The following SRGAP2 variants were observed in gnomAD, a reference collection of about 807,000 sequenced individuals.
The protein encoded by SRGAP2 is SLIT-ROBO Rho GTPase activating protein 2, also known as SLIT-ROBO Rho GTPase-activating protein 2.
Under a neutral mutation model 57.2 loss-of-function variants are expected in SRGAP2, and 15 were observed. The observed-to-expected ratio is 0.26, with a 90% CI of 0.18 to 0.40. SRGAP2 has a LOEUF of 0.40. Ranked by LOEUF, SRGAP2 falls within the 10% of genes least tolerant of loss-of-function variation. SRGAP2 has a pLI of 1.00. For missense variants in SRGAP2, 520 were observed against 669.6 expected (o/e 0.78, Z 2.47); for synonymous variants, 249 against 248.0 (o/e 1.00, Z -0.04).
intron 13 of SRGAP2, among the ~76,000 whole-genome samples, chr1:206,427,453 G>A (rs891298697): frequency 1.2e-4 from 18 of 152,164 alleles, no homozygotes; most frequent in South Asian, 8.3e-4. Context: ...GGGTCGCTGC[G>A]ACCGTCCTGA....
At chr1:206,438,272 G>T (rs1382272514) in intron 16 of SRGAP2, among the ~76,000 whole-genome samples, 174 bp downstream of exon 16, 1 of 151,426 alleles carries the variant, frequency 6.6e-6, no homozygotes, top group Non-Finnish European at 1.5e-5. Context: ...AGGGGAGGAG[G>T]AAAGACTTTT....
At chr1:206,455,314 A>G (rs1663737983) in intron 21 of SRGAP2, 5 of 436,602 alleles carry the variant, frequency 1.1e-5, no homozygotes, top group African/African-American at 2.0e-5. Flanking sequence ...GCAGTCTTAC[A>G]GCTAAAACTT....
At chr1:206,322,453 G>A (rs61816792) in intron 3 of SRGAP2, among the ~76,000 whole-genome samples, 1 of 151,872 alleles carries the variant, frequency 6.6e-6, no homozygotes, top group East Asian at 1.9e-4. Flanking sequence ...GGTGGCAGGC[G>A]CCTGTGGTCC....
At chr1:206,423,866 C>G (rs1660543214) in intron 13 of SRGAP2, among the ~76,000 whole-genome samples, 1 of 151,712 alleles carries the variant, frequency 6.6e-6, no homozygotes, top group African/African-American at 2.4e-5. Flanking sequence ...CCTCCACCTC[C>G]TAGGCTCAAG....
At chr1:206,431,688 A>G (rs1183743243) in intron 14 of SRGAP2, among the ~76,000 whole-genome samples, 2 of 152,254 alleles carry the variant, frequency 1.3e-5, no homozygotes, top group Non-Finnish European at 2.9e-5. Flanking sequence ...CAAATGACCA[A>G]TTGATCAGCC....
Position 206,254,597 on chromosome 1 carries a change from A to G in SRGAP2, c.67+48560A>G, listed in dbSNP as rs1479120269. 2.0e-5 allele frequency among the ~76,000 whole-genome samples: 3 copies of G among 149,958 alleles called. No individual in the cohort carries two copies. In the East Asian group the frequency reaches 5.9e-4, roughly 30 times the overall value. ...TGGCCTTTTGACGTGATCCTGTTGG[A>G]CTTGGATGGCTTCCTTGCTTTCTGG... On this transcript the variant is annotated intron_variant, in intron 2 of 22. Coordinates refer to ENST00000573034, the MANE Select transcript of SRGAP2 (RefSeq NM_015326.5).
chr1:206,451,897 C>T (rs1553376096), intron 19 of SRGAP2, among the ~76,000 whole-genome samples: 1 of 152,212 alleles, frequency 6.6e-6, no homozygotes. Flanking sequence ...TCTCCAACCC[C>T]TCCTGTGCAG....
intron 4 of SRGAP2, among the ~76,000 whole-genome samples, chr1:206,381,206 C>T (rs1400396883): frequency 2.0e-5 from 3 of 152,214 alleles, no homozygotes; most frequent in African/African-American, 7.2e-5. Context: ...ACACTTTTCC[C>T]TCCCCTTCTT....
At chr1:206,435,685 C>G (rs1467254397) in intron 14 of SRGAP2, among the ~76,000 whole-genome samples, 1 of 152,194 alleles carries the variant, frequency 6.6e-6, no homozygotes, top group Admixed American at 6.5e-5. Flanking sequence ...TGAGTCATGG[C>G]CCTGGTTCTT....
intron 13 of SRGAP2, among the ~76,000 whole-genome samples, chr1:206,422,367 C>A (rs1403014519): frequency 6.6e-6 from 1 of 152,190 alleles, no homozygotes; most frequent in African/African-American, 2.4e-5. Context: ...CCATCAGATG[C>A]AATTACACAT....
chr1:206,291,855 A>G (rs1325957075), intron 2 of SRGAP2, among the ~76,000 whole-genome samples: 1 of 148,988 alleles, frequency 6.7e-6, no homozygotes, highest in East Asian at 1.9e-4. Context: ...ATAAATGGTT[A>G]TCTATTCTGA....
At chr1:206,210,404 T>C (rs1666241755) in intron 2 of SRGAP2, among the ~76,000 whole-genome samples, 1 of 81,592 alleles carries the variant, frequency 1.2e-5, no homozygotes, top group Non-Finnish European at 2.2e-5. Context: ...GGGTCTTGTC[T>C]TTTTTTTTTT....
chr1:206,278,924 T>G (rs1318521165), intron 2 of SRGAP2, among the ~76,000 whole-genome samples: 1 of 150,118 alleles, frequency 6.7e-6, no homozygotes, highest in Non-Finnish European at 1.5e-5. Context: ...TACTAGGAGA[T>G]GAGGTCAGAG....
chr1:206,457,613 G>A (rs1038110810), intron 21 of SRGAP2, among the ~76,000 whole-genome samples: 3 of 152,172 alleles, frequency 2.0e-5, no homozygotes, highest in African/African-American at 7.2e-5. Flanking sequence ...ACAGACTCAC[G>A]GAGTGACTGA....
intron 5 of SRGAP2, among the ~76,000 whole-genome samples, chr1:206,392,210 C>G (rs1206295872): frequency 1.4e-5 from 2 of 144,674 alleles, no homozygotes; most frequent in Admixed American, 7.0e-5. Context: ...GAAGCTTTTC[C>G]TCTTCCCTAT....
At chr1:206,455,103 C>T in intron 21 of SRGAP2, 79 bp downstream of exon 21, 1 of 775,470 alleles carries the variant, frequency 1.3e-6, no homozygotes, top group African/African-American at 1.7e-5. Context: ...ACCCCCATCT[C>T]CATTCCTGTG....
intron 3 of SRGAP2, among the ~76,000 whole-genome samples, chr1:206,324,806 C>T (rs1450565034): frequency 6.6e-6 from 1 of 152,076 alleles, no homozygotes; most frequent in East Asian, 1.9e-4. Context: ...GTAGTTGGAC[C>T]ACTTATCTTA....
chr1:206,450,895 T>C (rs896753964), intron 19 of SRGAP2, among the ~76,000 whole-genome samples: 6 of 151,554 alleles, frequency 4.0e-5, no homozygotes, highest in Non-Finnish European at 8.8e-5. Context: ...GAGGATCACT[T>C]GAGTTCAAGA....
At chr1:206,355,162 T>TA (rs1676341341) in intron 4 of SRGAP2, among the ~76,000 whole-genome samples, 1 of 152,216 alleles carries the variant, frequency 6.6e-6, no homozygotes, top group South Asian at 2.1e-4. Context: ...TTATGTCCCT[T>TA]AAGTGTACTT....
Sources: allele counts gnomAD v4.1 joint callset (sites outside exome capture counted in the v4.1 genomes callset), GRCh38; gene constraint gnomAD v4.1.1; transcripts MANE v1.5; gene names NCBI Gene and HGNC (gene_info 2026-07-23, HGNC 2026-07-21).